PARD3B: variants seen among roughly 807,000 people sequenced by gnomAD.
PARD3B encodes par-3 family cell polarity regulator beta.
A neutral mutation model predicts 130.2 loss-of-function variants in PARD3B; 103 were observed. That is an observed-to-expected ratio of 0.79 (90% confidence interval 0.67 to 0.93). PARD3B has a LOEUF of 0.93. PARD3B is among the 40% of genes least tolerant of loss of function. The pLI is 0.00. For synonymous variants in PARD3B, 583 were observed against 553.2 expected, an observed-to-expected ratio of 1.05 and a Z score of -0.76; for missense variants, 1,609 against 1,499.2, an observed-to-expected ratio of 1.07 and a Z score of -1.21.
At chr2:205,567,720 G>T (rs534075747) in intron 22 of PARD3B, among the ~76,000 whole-genome samples, 54 of 151,862 alleles carry the variant, frequency 3.6e-4, no homozygotes, top group African/African-American at 1.3e-3. Flanking sequence ...CCTCATTTTG[G>T]TGTCCTAGGC....
At chr2:205,596,856 G>A (rs2054589733) in intron 22 of PARD3B, among the ~76,000 whole-genome samples, 1 of 151,996 alleles carries the variant, frequency 6.6e-6, no homozygotes, top group Admixed American at 6.6e-5. Flanking sequence ...TTGAGAGAAG[G>A]ATGAGGGAAG....
intron 2 of PARD3B, among the ~76,000 whole-genome samples, chr2:204,771,637 C>A (rs559514132): frequency 6.6e-6 from 1 of 152,136 alleles, no homozygotes; most frequent in East Asian, 1.9e-4. Flanking sequence ...ACCCATATAA[C>A]AAACCTGCAC....
chr2:204,837,825 G>A (rs2044103628), intron 2 of PARD3B, among the ~76,000 whole-genome samples: 1 of 152,038 alleles, frequency 6.6e-6, no homozygotes, highest in Non-Finnish European at 1.5e-5. Context: ...AATTCTAATG[G>A]ATAAGACTAT....
At chr2:204,929,374 A>C (rs1687860887) in intron 2 of PARD3B, among the ~76,000 whole-genome samples, 1 of 152,154 alleles carries the variant, frequency 6.6e-6, no homozygotes, top group South Asian at 2.1e-4. Context: ...AACTTGAAGA[A>C]TGGATCAAGA....
chr2:204,757,841 T>C (rs2040744610), intron 2 of PARD3B, among the ~76,000 whole-genome samples: 1 of 152,048 alleles, frequency 6.6e-6, no homozygotes. Context: ...ATAAGATACA[T>C]AAAAGACAAT....
At chr2:204,742,304 G>A (rs893580106) in intron 2 of PARD3B, among the ~76,000 whole-genome samples, 1 of 152,096 alleles carries the variant, frequency 6.6e-6, no homozygotes, top group Non-Finnish European at 1.5e-5. Flanking sequence ...ATTTAAAAAT[G>A]GGGAATGCAC....
chr2:205,436,224 A>G (rs2047510597), intron 19 of PARD3B, among the ~76,000 whole-genome samples: 1 of 152,166 alleles, frequency 6.6e-6, no homozygotes, highest in South Asian at 2.1e-4. Flanking sequence ...TCCTCTTAAT[A>G]CTACCACAAT....
rs1044159824 is a variant in PARD3B, at chr2:204,664,805, T to C, written c.121-21376T>C. 3.9e-5 allele frequency among the ~76,000 whole-genome samples: 6 copies of C among 152,206 alleles called. No individual in the cohort carries two copies. The highest frequency in any genetic ancestry group is 1.4e-4 in the African/African-American group (6 of 41,466). On this transcript the variant is annotated intron_variant, in intron 1 of 22. Coordinates refer to ENST00000406610, the MANE Select transcript of PARD3B (RefSeq NM_001302769.2). The surrounding 1 kb of genome is among the most constrained non-coding windows in gnomAD (Gnocchi z 5.2). ...TTTTTCTTCTGAGCTCATTAGTGAA[T>C]GCATACAGGATGAGGTAGCCTGAAA...
intron 21 of PARD3B, among the ~76,000 whole-genome samples, chr2:205,523,139 CTTTCTGTCATCTTGTTT>C (rs1269066305): frequency 6.6e-6 from 1 of 150,524 alleles, no homozygotes; most frequent in Non-Finnish European, 1.5e-5. Flanking sequence ...GATTCTTGTC[CTTTCTGTCATCTTGTTT>C]TAGGCTTCCT....
intron 16 of PARD3B, among the ~76,000 whole-genome samples, chr2:205,293,265 T>C (rs2041675288): frequency 6.6e-6 from 1 of 152,226 alleles, no homozygotes; most frequent in South Asian, 2.1e-4. Flanking sequence ...ATTAAAATTC[T>C]TTATATTATG....
At chr2:204,783,877 C>A (rs187091670) in intron 2 of PARD3B, among the ~76,000 whole-genome samples, 2 of 152,004 alleles carry the variant, frequency 1.3e-5, no homozygotes, top group Non-Finnish European at 2.9e-5. Flanking sequence ...GTATCATCTT[C>A]GATGAGATTT....
chr2:204,605,247 A>G (rs1311329641), intron 1 of PARD3B, among the ~76,000 whole-genome samples: 1 of 152,184 alleles, frequency 6.6e-6, no homozygotes, highest in Non-Finnish European at 1.5e-5. Context: ...TTCCATGCCA[A>G]TGAGAGGAGT....
rs369220742 is a variant in PARD3B at position 205,330,340 on chromosome 2, CA to C, written c.2630+28649del. Among the ~76,000 whole-genome samples the C allele has an allele frequency of 5.9e-3, 880 of 149,458 alleles. 8 individuals carry two copies. Among genetic ancestry groups the C allele is most frequent in the African/African-American group, 0.018 (727 of 40,730 alleles). The stretch of plus-strand genomic sequence containing the variant: ...TGGGAGACAGAGCCAGACTCCACCC[CA>C]AAAAAAAAATTATTAAAATATAAAA... On this transcript the variant is annotated intron_variant, in intron 18 of 22. Coordinates refer to ENST00000406610, the MANE Select transcript of PARD3B (RefSeq NM_001302769.2).
At chr2:205,308,184 C>G (rs1170443175) in intron 18 of PARD3B, among the ~76,000 whole-genome samples, 1 of 152,188 alleles carries the variant, frequency 6.6e-6, no homozygotes, top group African/African-American at 2.4e-5. Context: ...TATTAAAGCC[C>G]TATTTTGTAT....
chr2:204,815,620 C>A (rs1025202864), intron 2 of PARD3B, among the ~76,000 whole-genome samples: 2 of 151,958 alleles, frequency 1.3e-5, no homozygotes, highest in African/African-American at 4.8e-5. Flanking sequence ...GATTTTGAGA[C>A]CTTTCCTCTT....
At chr2:205,076,212 A>G (rs1338789951) in intron 4 of PARD3B, among the ~76,000 whole-genome samples, 1 of 152,186 alleles carries the variant, frequency 6.6e-6, no homozygotes, top group African/African-American at 2.4e-5. Flanking sequence ...GGTAATTCTT[A>G]TATAACTAGA....
At chr2:205,205,643 T>G (rs2037247495) in intron 15 of PARD3B, among the ~76,000 whole-genome samples, 1 of 152,194 alleles carries the variant, frequency 6.6e-6, no homozygotes, top group Non-Finnish European at 1.5e-5. Flanking sequence ...TTATTGAGAC[T>G]TTTTAGCCTG....
rs1410673405 is a variant in PARD3B at position 205,583,414 on chromosome 2, CGT to C, written c.3260+30015_3260+30016del. Among the ~76,000 whole-genome samples the C allele has an allele frequency of 1.2e-3, 36 of 31,042 alleles. No individual in the cohort carries two copies. In the South Asian group the frequency reaches 0.11, roughly 94 times the overall value. The allele number at this position is 31,042 out of a possible 152,430, so 20.4% of individuals were successfully genotyped here. ...GTGTGTGTGTGTGCGCGCGCACGCG[CGT>C]GTGAGAGAGAGAGAGAGAGATGCAC... On this transcript the variant is annotated intron_variant, in intron 22 of 22. Transcript: ENST00000406610.
chr2:204,656,495 A>G lies in PARD3B; in HGVS notation c.121-29686A>G, dbSNP rs1574630116. 3.3e-5 allele frequency among the ~76,000 whole-genome samples: 5 copies of G among 152,270 alleles called. No homozygotes were observed. In the South Asian group the frequency reaches 1.0e-3, roughly 32 times the overall value. ...TTCACTGTTTACAGTCTTAAAGTTT[A>G]GGGGTAAGGAGACTATTTTAGGCCA... On this transcript the variant is annotated intron_variant, in intron 1 of 22. Coordinates refer to ENST00000406610, the MANE Select transcript of PARD3B (RefSeq NM_001302769.2).
Sources: allele counts gnomAD v4.1 joint callset (sites outside exome capture counted in the v4.1 genomes callset), GRCh38; gene constraint gnomAD v4.1.1; non-coding constraint Gnocchi (gnomAD v3.1); transcripts MANE v1.5; gene names NCBI Gene and HGNC (gene_info 2026-07-23, HGNC 2026-07-21).